LRCH2: variants seen among roughly 807,000 people sequenced by gnomAD.
The protein encoded by LRCH2 is leucine rich repeats and calponin homology domain containing 2, also known as leucine-rich repeat and calponin homology domain-containing protein 2.
Under a neutral mutation model 68.9 loss-of-function variants are expected in LRCH2, and 38 were observed. The observed-to-expected ratio is 0.55, with a 90% confidence interval of 0.43 to 0.72. LRCH2 has a LOEUF of 0.72. Among genes scored for constraint, LRCH2 ranks in the 30% least tolerant of loss-of-function variants. The pLI is 0.00. For missense variants in LRCH2, 528 were observed against 572.9 expected (o/e 0.92, Z 0.80); for synonymous variants, 191 against 208.1 (o/e 0.92, Z 0.71).
At chrX:115,143,323 C>T (rs782566819) in intron 14 of LRCH2, among the ~76,000 whole-genome samples, 20 of 110,782 alleles carry the variant, frequency 1.8e-4, no homozygotes, top group African/African-American at 5.2e-4. Flanking sequence ...CACAGAAATT[C>T]GAAGGGCCAC....
chrX:115,169,165 T>G, intron 6 of LRCH2, among the ~76,000 whole-genome samples: 1 of 111,943 alleles, frequency 8.9e-6, no homozygotes, highest in Non-Finnish European at 1.9e-5. Flanking sequence ...AATTTGAAAT[T>G]TTATATGTGT....
chrX:115,208,277 G>A (rs1174962755), intron 1 of LRCH2, among the ~76,000 whole-genome samples: 3 of 110,997 alleles, frequency 2.7e-5, no homozygotes, highest in African/African-American at 9.8e-5. Context: ...GTGCAGTATC[G>A]ATATCTCAGT....
chrX:115,203,136 C>T (rs1268927648), intron 1 of LRCH2, among the ~76,000 whole-genome samples: 1 of 111,730 alleles, frequency 9.0e-6, no homozygotes, highest in African/African-American at 3.3e-5. Context: ...CAAGCACCTT[C>T]TTCACAAGAT....
chrX:115,230,923 AT>A (rs782404160), intron 1 of LRCH2, among the ~76,000 whole-genome samples: 268 of 110,351 alleles, frequency 2.4e-3, no homozygotes, highest in African/African-American at 8.1e-3. Flanking sequence ...TTCTGATTTA[AT>A]TGGTCTAGGG....
intron 12 of LRCH2, among the ~76,000 whole-genome samples, chrX:115,150,743 T>A (rs894252859): frequency 2.7e-5 from 3 of 111,024 alleles, no homozygotes; most frequent in African/African-American, 9.8e-5. Context: ...ATCCAATTTT[T>A]AAAATTTATA....
At chrX:115,130,013 A>G (rs1556529377) in intron 15 of LRCH2, 142 bp downstream of exon 15, 2 of 373,331 alleles carry the variant, frequency 5.4e-6, no homozygotes, top group South Asian at 5.0e-5. Context: ...GATGATGCTC[A>G]TATGTTTTTA....
chrX:115,168,151 G>C (rs2072578447), intron 6 of LRCH2, among the ~76,000 whole-genome samples: 1 of 112,148 alleles, frequency 8.9e-6, no homozygotes, highest in Non-Finnish European at 1.9e-5. Context: ...GCTATTATAT[G>C]TAAGTACTGT....
chrX:115,146,906 TACACACACACACACACACACACAC>T (rs57837250), intron 14 of LRCH2, among the ~76,000 whole-genome samples: 14 of 67,577 alleles, frequency 2.1e-4, no homozygotes, highest in Middle Eastern at 9.1e-3. Context: ...CTTACATACA[TACACACACACACACACACACACAC>T]ACACACACAC....
At chrX:115,117,585 T>G (rs1192596799) in intron 20 of LRCH2, among the ~76,000 whole-genome samples, 35 of 111,614 alleles carry the variant, frequency 3.1e-4, no homozygotes, top group Non-Finnish European at 9.4e-5. Flanking sequence ...CTGTGGTATA[T>G]CCATACAATA....
At position 115,149,875 on chromosome X, in the gene LRCH2, C is replaced by G. The variant is rs1556537776; in HGVS notation, c.1647G>C (p.Gln549His). ...PWPESHPIIW[Q>H]SEERRRSKQI... Reference sequence around the variant, plus strand: ...GTTTGCTCCGCCTCCTTTCTTCACTCTGCCAGATTATAGGGTGAGATTCTG... The same window carrying G: ...GTTTGCTCCGCCTCCTTTCTTCACTGTGCCAGATTATAGGGTGAGATTCTG... Residue 549 changes from glutamine (Q) to histidine (H), a missense_variant, in exon 14 of 21, where the codon CAG (glutamine) becomes CAC (histidine). Transcript: ENST00000317135. The G allele has an allele frequency of 3.3e-6, 4 of 1,206,616 alleles. No individual in the cohort carries two copies. Among genetic ancestry groups the G allele is most frequent in the Non-Finnish European group, 4.5e-6 (4 of 892,113 alleles).
chrX:115,120,997 A>T (rs1195352938), intron 20 of LRCH2, among the ~76,000 whole-genome samples: 2 of 100,735 alleles, frequency 2.0e-5, no homozygotes, highest in Admixed American at 2.2e-4. Flanking sequence ...CAGGAAGGGG[A>T]ACATCCCACT....
chrX:115,152,741 C>A (rs1556538568), intron 12 of LRCH2, among the ~76,000 whole-genome samples: 1 of 110,375 alleles, frequency 9.1e-6, no homozygotes, highest in African/African-American at 3.3e-5. Context: ...TGAAAATAAA[C>A]CCACAAATTC....
At chrX:115,119,829 T>G (rs2072120144) in intron 20 of LRCH2, among the ~76,000 whole-genome samples, 2 of 105,508 alleles carry the variant, frequency 1.9e-5, no homozygotes, top group South Asian at 8.9e-4. Context: ...GAGATATAGA[T>G]CAATGGAACA....
chrX:115,129,624 A>C (rs782744658), intron 15 of LRCH2, among the ~76,000 whole-genome samples: 7 of 111,289 alleles, frequency 6.3e-5, no homozygotes, highest in African/African-American at 2.3e-4. Flanking sequence ...ACATCAAATT[A>C]AATACCAATC....
intron 11 of LRCH2, among the ~76,000 whole-genome samples, chrX:115,161,304 A>G (rs1205065245): frequency 1.8e-5 from 2 of 111,421 alleles, no homozygotes; most frequent in Non-Finnish European, 3.8e-5. Context: ...CAGTGAGCCA[A>G]GACTGTACCA....
At chrX:115,147,796 A>G (rs2072399074) in intron 14 of LRCH2, among the ~76,000 whole-genome samples, 1 of 111,370 alleles carries the variant, frequency 9.0e-6, no homozygotes, top group Non-Finnish European at 1.9e-5. Context: ...AATGTCAGTA[A>G]TCTCAGCACT....
chrX:115,123,812 G>T, intron 17 of LRCH2, 133 bp downstream of exon 17: 1 of 355,810 alleles, frequency 2.8e-6, no homozygotes, highest in Non-Finnish European at 4.8e-6. Context: ...GACAAATATC[G>T]TTAAGAGAAA....
intron 1 of LRCH2, chrX:115,192,286 T>G: frequency 1.7e-6 from 2 of 1,163,529 alleles, no homozygotes; most frequent in Non-Finnish European, 2.3e-6. Flanking sequence ...AGGAGGCCGC[T>G]ACGAGGAGTA....
chrX:115,194,286 A>C (rs1428708246), intron 1 of LRCH2, among the ~76,000 whole-genome samples: 1 of 111,951 alleles, frequency 8.9e-6, no homozygotes, highest in Non-Finnish European at 1.9e-5. Flanking sequence ...AACTAAAAAA[A>C]CAATAGAATT....
Sources: gnomAD v4.1 joint callset for allele counts (sites outside exome capture counted in the v4.1 genomes callset) on GRCh38, gnomAD v4.1.1 for gene constraint, MANE v1.5 for transcripts, NCBI Gene and HGNC (gene_info 2026-07-23, HGNC 2026-07-21) for gene names.